Variants in HDAC4 observed in about 807,000 individuals in gnomAD.
HDAC4 encodes histone deacetylase A.
In HDAC4, 16 loss-of-function variants were observed where a neutral mutation model predicts 135.1. That is an observed-to-expected ratio of 0.12 (90% confidence interval 0.08 to 0.18). The LOEUF (loss-of-function observed/expected upper bound fraction) is 0.18. HDAC4 is among the 10% of genes least tolerant of loss of function. HDAC4 has a pLI of 1.00. For synonymous variants in HDAC4, 685 were observed against 653.4 expected (o/e 1.05, Z -0.74); for missense variants, 1,143 against 1,511.8 (o/e 0.76, Z 4.05).
chr2:239,187,391 C>T (rs646326), intron 4 of HDAC4, among the ~76,000 whole-genome samples: 73,511 of 152,084 alleles, frequency 0.48, 19,196 homozygotes, highest in South Asian at 0.69. Flanking sequence ...GAGCCTATGG[C>T]GCAAAAACTA....
At chr2:239,357,159 G>A (rs1284626177) in intron 1 of HDAC4, among the ~76,000 whole-genome samples, 1 of 151,994 alleles carries the variant, frequency 6.6e-6, no homozygotes, top group Non-Finnish European at 1.5e-5. Context: ...GAATTCAAAA[G>A]GACAAGTCAA....
chr2:239,120,048 A>G (rs1235519316), intron 12 of HDAC4, among the ~76,000 whole-genome samples: 1 of 151,966 alleles, frequency 6.6e-6, no homozygotes, highest in Non-Finnish European at 1.5e-5. Context: ...GCCAAGTGCC[A>G]GAGAAGGGCC....
At chr2:239,178,276 CTTGT>C (rs2043902519) in intron 4 of HDAC4, among the ~76,000 whole-genome samples, 1 of 152,300 alleles carries the variant, frequency 6.6e-6, no homozygotes, top group Admixed American at 6.5e-5. Flanking sequence ...GTCCCAGTGT[CTTGT>C]TTATTTTAGA....
rs2030247856 is a variant in HDAC4, at chr2:239,048,261, A to G, written c.*4836T>C. 6.6e-6 allele frequency: 1 copy of G among 152,312 alleles called. No individual in the cohort carries two copies. Among genetic ancestry groups the G allele is most frequent in the South Asian group, 2.1e-4 (1 of 4,834 alleles). 9.4% of individuals were successfully genotyped at this position (152,312 alleles called of 1,614,324 possible). On this transcript the variant is annotated 3_prime_UTR_variant, in exon 27 of 27. Transcript: ENST00000543185. ...ACTGGACTCCAGTGAAGTGGAAAGA[A>G]GGTGACCGTCAGAAGAGGATATCAT...
chr2:239,140,909 C>T, intron 8 of HDAC4: 1 of 460,018 alleles, frequency 2.2e-6, no homozygotes, highest in East Asian at 7.7e-5. Flanking sequence ...GGTGGTGACT[C>T]TGCAAATATA....
At chr2:239,078,825 C>A (rs186482068) in intron 22 of HDAC4, among the ~76,000 whole-genome samples, 39 of 152,334 alleles carry the variant, frequency 2.6e-4, no homozygotes, top group African/African-American at 9.4e-4. Flanking sequence ...GAAGGCACCA[C>A]TGAGAAACGC....
chr2:239,287,333 T>TG (rs2051196710), intron 2 of HDAC4, among the ~76,000 whole-genome samples: 1 of 152,214 alleles, frequency 6.6e-6, no homozygotes, highest in African/African-American at 2.4e-5. Context: ...AGTACTTGAT[T>TG]GGGTGTTTGC....
At chr2:239,059,064 CTTATGTTTGGAAA>C (rs1480716978) in intron 24 of HDAC4, among the ~76,000 whole-genome samples, 1 of 152,176 alleles carries the variant, frequency 6.6e-6, no homozygotes, top group African/African-American at 2.4e-5. Flanking sequence ...ACCATGAGTC[CTTATGTTTGGAAA>C]TTAGAAAACA....
intron 22 of HDAC4, among the ~76,000 whole-genome samples, chr2:239,077,401 C>T (rs531650749): frequency 3.9e-5 from 6 of 152,362 alleles, no homozygotes; most frequent in South Asian, 2.1e-4. Context: ...GAGGTCTTAC[C>T]GGGCCTGCCT....
chr2:239,168,237 G>A (rs2043231008), intron 5 of HDAC4, among the ~76,000 whole-genome samples: 1 of 152,200 alleles, frequency 6.6e-6, no homozygotes, highest in Non-Finnish European at 1.5e-5. Context: ...TCCCTGCAGG[G>A]CTGCGCGTGT....
chr2:239,145,973 C>T (rs1008845343), intron 7 of HDAC4, among the ~76,000 whole-genome samples: 7 of 152,214 alleles, frequency 4.6e-5, no homozygotes, highest in Non-Finnish European at 1.0e-4. Context: ...CTCCCTAAAA[C>T]AGCCTTCCCA....
chr2:239,066,674 GAGCCT>G (rs2033532598), intron 24 of HDAC4, 43 bp downstream of exon 24: 1 of 1,612,150 alleles, frequency 6.2e-7, no homozygotes, highest in South Asian at 1.1e-5. Context: ...CCACAACCCC[GAGCCT>G]GTCAGTGTGG....
intron 2 of HDAC4, among the ~76,000 whole-genome samples, chr2:239,339,332 G>A (rs115409585): frequency 0.022 from 3,283 of 152,344 alleles, 61 homozygotes; most frequent in Middle Eastern, 0.061. Flanking sequence ...TCAAAGCCCA[G>A]TATCTTTCTA....
At chr2:239,066,932 GC>G in intron 23 of HDAC4, 77 bp from the exon 24 acceptor site, 1 of 1,546,100 alleles carries the variant, frequency 6.5e-7, no homozygotes, top group Non-Finnish European at 8.8e-7. Flanking sequence ...GCGTCTCATG[GC>G]ATCGTAAGAA....
chr2:239,304,501 T>C (rs2052460587), intron 2 of HDAC4, among the ~76,000 whole-genome samples: 2 of 152,180 alleles, frequency 1.3e-5, no homozygotes, highest in Non-Finnish European at 1.5e-5. Context: ...GTAACAGACA[T>C]GAAACGTCCT....
At chr2:239,397,442 C>T (rs188064725) in intron 1 of HDAC4, among the ~76,000 whole-genome samples, 4 of 152,280 alleles carry the variant, frequency 2.6e-5, no homozygotes, top group Admixed American at 2.6e-4. Context: ...GATACATCCT[C>T]ATCCCCCGAC....
chr2:239,390,685 T>A (rs978342863), intron 1 of HDAC4, among the ~76,000 whole-genome samples: 1 of 151,952 alleles, frequency 6.6e-6, no homozygotes, highest in Non-Finnish European at 1.5e-5. Flanking sequence ...ACCTCTCCCA[T>A]CTCCCTGTCC....
chr2:239,102,687 G>A (rs994111798), intron 16 of HDAC4, 89 bp downstream of exon 16: 85 of 1,489,750 alleles, frequency 5.7e-5, no homozygotes, highest in Non-Finnish European at 7.1e-5. Context: ...ACACCCACAG[G>A]TGCCCCAGAC....
In HDAC4 at chr2:239,361,351, T is replaced by C. The variant is rs551644101; in HGVS notation, c.-219-8433A>G. Among the ~76,000 whole-genome samples, 23 of 152,314 alleles carry C rather than the reference T, an allele frequency of 1.5e-4. No homozygotes were observed. The South Asian group carries it at 3.9e-3, about 26-fold the overall frequency. On this transcript the variant is annotated intron_variant, in intron 1 of 26. Coordinates refer to ENST00000543185, the MANE Select transcript of HDAC4 (RefSeq NM_001378414.1). ...GCCTTTTGGGGGCTAGAGTTAAGTTTTAAGGATCTGATATCAAAGATTCCA... is the reference window on the plus strand; with the variant it reads ...GCCTTTTGGGGGCTAGAGTTAAGTTCTAAGGATCTGATATCAAAGATTCCA...
Sources: allele counts gnomAD v4.1 joint callset (sites outside exome capture counted in the v4.1 genomes callset), GRCh38; gene constraint gnomAD v4.1.1; transcripts MANE v1.5; gene names NCBI Gene and HGNC (gene_info 2026-07-23, HGNC 2026-07-21).